Variants in ADGRB1 observed in about 807,000 individuals in gnomAD.
ADGRB1 encodes adhesion G protein-coupled receptor B1, also known as brain-specific angiogenesis inhibitor 1.
ADGRB1 carries 36 observed loss-of-function variants against 175.7 expected under a neutral mutation model. The ratio of observed to expected loss-of-function variants is 0.20; its 90% CI spans 0.16 to 0.27. The LOEUF is 0.27. Among genes scored for constraint, ADGRB1 ranks in the 10% least tolerant of loss-of-function variants. ADGRB1 has a pLI of 1.00. For synonymous variants in ADGRB1, 1,054 were observed against 979.4 expected (o/e 1.08, Z -1.42); for missense variants, 1,731 against 2,255.3 (o/e 0.77, Z 4.71).
rs1192849730 is a variant in ADGRB1 at position 142,493,293 on chromosome 8, C to A, written c.2675+2478C>A. ...CATGCTGCGTGGCCTTGGGCAGAGC[C>A]TGTGCCCTGGGAGCCTTGGCTTCCT... is the stretch of plus-strand genomic sequence containing the variant. On this transcript the variant is annotated intron_variant, in intron 17 of 30. Transcript: ENST00000517894. This position sits in a 1 kb window ranked among gnomAD's most constrained non-coding sequence, Gnocchi z 5.0. Among the ~76,000 whole-genome samples the A allele has an allele frequency of 6.6e-6, 1 of 152,092 alleles. No homozygotes were observed. Among genetic ancestry groups the A allele is most frequent in the Non-Finnish European group, 1.5e-5 (1 of 68,004 alleles).
chr8:142,454,732 A>C lies in ADGRB1; in HGVS notation c.-220+4628A>C, dbSNP rs926620069. On this transcript the variant is annotated intron_variant, in intron 1 of 30. Transcript: ENST00000517894. ...GGATCCCCCTTCCCCCGCAAAGCAC[A>C]TGCCACTGAGGAGGCGGCTCCGGAC... is the stretch of plus-strand genomic sequence containing the variant. Among the ~76,000 whole-genome samples, 5 of 152,064 alleles carry C rather than the reference A, an allele frequency of 3.3e-5. No individual in the cohort carries two copies. In the East Asian group the frequency reaches 9.6e-4, roughly 29 times the overall value.
Position 142,464,466 on chromosome 8 carries a change from C to A in ADGRB1, c.268C>A (p.Pro90Thr). 1 of 1,581,242 alleles carries A rather than the reference C, an allele frequency of 6.3e-7. No individual in the cohort carries two copies. Among genetic ancestry groups the A allele is most frequent in the Admixed American group, 1.8e-5 (1 of 57,100 alleles). Residue 90 changes from proline (P) to threonine (T), a missense_variant, in exon 2 of 31, where the codon CCC (proline) becomes ACC (threonine). Transcript: ENST00000517894. The part of the protein sequence containing the change: ...YTLYMKVAKA[P>T]VPCSGPGRVR... ...TCTCTACATGAAGGTGGCCAAGGCG[C>A]CCGTGCCCTGCAGCGGCCCCGGCCG...
chr8:142,533,715 T>TG (rs1192351348), intron 25 of ADGRB1, among the ~76,000 whole-genome samples: 1 of 152,064 alleles, frequency 6.6e-6, no homozygotes, highest in Non-Finnish European at 1.5e-5. Context: ...CGCACTGGCT[T>TG]GGGGGCGTGG....
chr8:142,476,965 G>C lies in ADGRB1; in HGVS notation c.1058-149G>C, dbSNP rs1587290637. On this transcript the variant is annotated intron_variant, in intron 4 of 30. Transcript: ENST00000517894. The stretch of plus-strand genomic sequence containing the variant: ...CTTGTAGGGGAAATGGCCAGTTCTT[G>C]AGATCAGCCTGGTTCGAAGGCCCGG... The C allele has an allele frequency of 5.0e-6, 6 of 1,203,480 alleles. No homozygotes were observed. In the East Asian group the frequency reaches 1.3e-4, roughly 27 times the overall value. 74.6% of individuals were successfully genotyped at this position (1,203,480 alleles called of 1,614,324 possible).
intron 4 of ADGRB1, 48 bp downstream of exon 4, chr8:142,476,743 A>G (rs1021340571): frequency 9.5e-6 from 14 of 1,470,164 alleles, no homozygotes; most frequent in African/African-American, 2.8e-5. Context: ...TTGGGAAAAT[A>G]CTGTAAGTTA....
At chr8:142,472,591 A>G (rs1400538704) in intron 2 of ADGRB1, among the ~76,000 whole-genome samples, 1 of 152,164 alleles carries the variant, frequency 6.6e-6, no homozygotes, top group African/African-American at 2.4e-5. Flanking sequence ...CTAGACAAAC[A>G]TTTACTGAGT....
At chr8:142,469,673 A>G (rs1840536268) in intron 2 of ADGRB1, among the ~76,000 whole-genome samples, 1 of 144,080 alleles carries the variant, frequency 6.9e-6, no homozygotes, top group Non-Finnish European at 1.5e-5. Flanking sequence ...GTGTGTGTGC[A>G]CGTGAATGTG....
chr8:142,481,837 A>C, intron 11 of ADGRB1, 126 bp downstream of exon 11: 3 of 819,116 alleles, frequency 3.7e-6, no homozygotes, highest in East Asian at 2.8e-5. Context: ...CATAGGTTGA[A>C]CTCTGACCTT....
intron 20 of ADGRB1, among the ~76,000 whole-genome samples, chr8:142,521,699 CT>C (rs1275532289): frequency 6.6e-6 from 1 of 152,232 alleles, no homozygotes; most frequent in Non-Finnish European, 1.5e-5. Flanking sequence ...GAGAAGGCCC[CT>C]GGCTTAGCAT....
At chr8:142,500,998 G>A (rs572028287) in intron 17 of ADGRB1, among the ~76,000 whole-genome samples, 57 of 152,280 alleles carry the variant, frequency 3.7e-4, no homozygotes, top group Admixed American at 1.0e-3. Flanking sequence ...CTTGCACTGC[G>A]CCTTGGACAT....
chr8:142,475,674 A>G (rs1433032851), intron 3 of ADGRB1, 39 bp downstream of exon 3: 2 of 1,090,038 alleles, frequency 1.8e-6, no homozygotes, highest in Non-Finnish European at 2.2e-6. Context: ...GGAGCCCTGG[A>G]GAGGCGGGGC....
In ADGRB1 at chr8:142,542,396, C is replaced by T. The variant is rs1394320633; in HGVS notation, c.4162C>T (p.Leu1388Phe). ...IHLSTAPEAS[L>F]PARSPPSRQP... ...CCTCAGCACGGCCCCCGAGGCCAGC[C>T]TCCCCGCCCGCAGCCCGCCCTCCCG... Residue 1388 changes from leucine to phenylalanine, a missense_variant, in exon 28 of 31, where the codon CTC becomes TTC. Coordinates refer to ENST00000517894, the MANE Select transcript of ADGRB1 (RefSeq NM_001702.3). The surrounding 1 kb of genome is among the most constrained non-coding windows in gnomAD (Gnocchi z 6.3). 1 of 1,549,940 alleles carries T rather than the reference C, an allele frequency of 6.5e-7. No homozygotes were observed. The highest frequency in any genetic ancestry group is 8.7e-7 in the Non-Finnish European group (1 of 1,148,486).
chr8:142,504,298 A>T lies in ADGRB1; in HGVS notation c.2676-6634A>T, dbSNP rs1056857532. ...TCCAGGAGCCCTGGAGGGGGAGGCT[A>T]ATCACACAGGATGCGGGGCCTGTGG... On this transcript the variant is annotated intron_variant, in intron 17 of 30. Coordinates refer to ENST00000517894, the MANE Select transcript of ADGRB1 (RefSeq NM_001702.3). This position sits in a 1 kb window ranked among gnomAD's most constrained non-coding sequence, Gnocchi z 5.6. 1.3e-5 allele frequency among the ~76,000 whole-genome samples: 2 copies of T among 152,160 alleles called. No individual in the cohort carries two copies. The highest frequency in any genetic ancestry group is 1.3e-4 in the Admixed American group (2 of 15,284).
At position 142,543,616 on chromosome 8, in the gene ADGRB1, C is replaced by T. The variant is rs754158413; in HGVS notation, c.4465C>T (p.Arg1489Trp). The T allele has an allele frequency of 1.9e-6, 3 of 1,569,628 alleles. No homozygotes were observed. Among genetic ancestry groups the T allele is most frequent in the Non-Finnish European group, 2.6e-6 (3 of 1,157,608 alleles). ...CCGCCTGCAGAAGATCATGCACACC[C>T]GGAAGCGGCACCAAGACATGTTCCA... ...ELDFEKIMHTRKRHQDMFQDL... is the reference protein window; with the variant it reads ...ELDFEKIMHTWKRHQDMFQDL... Residue 1489 changes from arginine (R) to tryptophan (W), a missense_variant, in exon 30 of 31, where the codon CGG becomes TGG. This residue lies in a region of ADGRB1 where 394 missense variants were observed against 410.2 expected (regional missense o/e 0.96). Coordinates refer to ENST00000517894, the MANE Select transcript of ADGRB1 (RefSeq NM_001702.3). The surrounding 1 kb of genome is among the most constrained non-coding windows in gnomAD (Gnocchi z 4.4).
Position 142,477,521 on chromosome 8 carries a change from C to A in ADGRB1, c.1359C>A (p.Thr453=), listed in dbSNP as rs1198999285. ...CCTGTGAGGGCCCTGAGAAGCAAAC[C>A]AAGTTCTGCAACATTGCCCTGTGCC... ...GNPCEGPEKQ[T]KFCNIALCPG... The change falls in exon 6 of 31, where the codon ACC becomes ACA. Residue 453 remains threonine (T), a synonymous_variant. Coordinates refer to ENST00000517894, the MANE Select transcript of ADGRB1 (RefSeq NM_001702.3). 6.2e-7 allele frequency: 1 copy of A among 1,613,158 alleles called. No homozygotes were observed. The highest frequency in any genetic ancestry group is 8.5e-7 in the Non-Finnish European group (1 of 1,179,748).
At chr8:142,532,835 C>T (rs1844703233) in intron 24 of ADGRB1, among the ~76,000 whole-genome samples, 1 of 152,122 alleles carries the variant, frequency 6.6e-6, no homozygotes, top group Non-Finnish European at 1.5e-5. Flanking sequence ...GACAGCCCAT[C>T]CCTCTCCAGC....
At chr8:142,476,543 G>T in intron 3 of ADGRB1, 42 bp from the exon 4 acceptor site, 1 of 1,518,990 alleles carries the variant, frequency 6.6e-7, no homozygotes, top group South Asian at 1.2e-5. Context: ...AGAGGACGGG[G>T]GCAAAGAACC....
intron 4 of ADGRB1, among the ~76,000 whole-genome samples, 171 bp from the exon 5 acceptor site, chr8:142,476,943 G>A (rs1233110259): frequency 6.6e-6 from 1 of 152,220 alleles, no homozygotes; most frequent in Admixed American, 6.5e-5. Context: ...TCCCAGCCTT[G>A]TAGGGGAAAT....
At chr8:142,517,654 G>A (rs1469538463) in intron 18 of ADGRB1, among the ~76,000 whole-genome samples, 1 of 152,168 alleles carries the variant, frequency 6.6e-6, no homozygotes. Flanking sequence ...GGGACAGGTG[G>A]GTGTGGGGTG....
Sources: allele counts gnomAD v4.1 joint callset (sites outside exome capture counted in the v4.1 genomes callset), GRCh38; gene constraint gnomAD v4.1.1; regional missense constraint gnomAD v4.1.1; non-coding constraint Gnocchi (gnomAD v3.1); transcripts MANE v1.5; gene names NCBI Gene and HGNC (gene_info 2026-07-23, HGNC 2026-07-21).